The following REV1 variants were observed in gnomAD, a reference collection of about 807,000 sequenced individuals.
The protein encoded by REV1 is REV1 DNA directed polymerase, also known as translesion synthesis protein REV1.
In REV1, 42 loss-of-function variants were observed where a neutral mutation model predicts 137.4. The ratio of observed to expected loss-of-function variants is 0.31; its 90% CI spans 0.24 to 0.40. The LOEUF (loss-of-function observed/expected upper bound fraction) is 0.40, where lower values mean the gene tolerates loss of function less well. REV1 is among the 10% of genes least tolerant of loss of function. The pLI, the probability that REV1 is intolerant of heterozygous loss-of-function variation, is 1.00. For synonymous variants in REV1, 524 were observed against 519.2 expected (o/e 1.01, Z -0.12); for missense variants, 1,282 against 1,490.1 (o/e 0.86, Z 2.30).
At chr2:99,454,304 C>G (rs1575154697) in intron 3 of REV1, among the ~76,000 whole-genome samples, 1 of 152,160 alleles carries the variant, frequency 6.6e-6, no homozygotes, top group East Asian at 1.9e-4. Flanking sequence ...AATCCCAGCA[C>G]TTTGGTAGGC....
intron 1 of REV1, among the ~76,000 whole-genome samples, chr2:99,487,196 G>C (rs1687243693): frequency 6.6e-6 from 1 of 152,208 alleles, no homozygotes; most frequent in South Asian, 2.1e-4. Flanking sequence ...GTAGGTTGCT[G>C]AAAGTCAGTC....
chr2:99,404,867 A>G (rs1285268812), intron 17 of REV1, among the ~76,000 whole-genome samples, 190 bp from the exon 18 acceptor site: 1 of 152,232 alleles, frequency 6.6e-6, no homozygotes, highest in Non-Finnish European at 1.5e-5. Flanking sequence ...TTGTCATTGA[A>G]GCCTGAAGTA....
chr2:99,424,316 AG>A (rs1280101806), intron 9 of REV1, 36 bp from the exon 10 acceptor site: 2 of 1,594,090 alleles, frequency 1.3e-6, no homozygotes, highest in Non-Finnish European at 8.5e-7. Flanking sequence ...AGGTTATTCT[AG>A]GAAGTTTTCA....
rs1238792246 is a variant in REV1, at chr2:99,435,851, T to C, written c.1304A>G (p.Asn435Ser). 8 of 1,584,420 alleles carry C rather than the reference T, an allele frequency of 5.0e-6. No homozygotes were observed. In the Admixed American group the frequency reaches 1.2e-4, roughly 23 times the overall value. ...ATACAGACCTTTGAGATCTGGTCTA[T>C]TTCGTATACCCACTGATACAAAGAA... ...DCFFVSVGIR[N>S]RPDLKGKPVA... The change falls in exon 7 of 23, where the codon AAT (asparagine) becomes AGT (serine). Residue 435 changes from asparagine (N) to serine (S), a missense_variant. Around this residue, in one of 7 missense-constraint regions of REV1, gnomAD observed 432 missense variants for 438.0 expected, o/e 0.99. Transcript: ENST00000258428.
upstream of REV1, chr2:99,490,076 G>A (rs1425797803): frequency 2.0e-5 from 3 of 148,188 alleles, no homozygotes; most frequent in African/African-American, 7.4e-5. Flanking sequence ...AGCGTTCCGC[G>A]CGCGCTCCCC....
intron 12 of REV1, among the ~76,000 whole-genome samples, chr2:99,416,381 TGTG>T (rs1677859428): frequency 6.6e-6 from 1 of 152,242 alleles, no homozygotes; most frequent in Admixed American, 6.5e-5. Context: ...GCTTATAATC[TGTG>T]GAACACACTT....
intron 3 of REV1, among the ~76,000 whole-genome samples, chr2:99,450,426 G>A (rs1484711917): frequency 6.6e-6 from 1 of 152,056 alleles, no homozygotes; most frequent in Non-Finnish European, 1.5e-5. Context: ...GCTGTACCCA[G>A]GGGGAGTTTC....
At chr2:99,416,432 T>C (rs1046031739) in intron 12 of REV1, among the ~76,000 whole-genome samples, 1 of 152,222 alleles carries the variant, frequency 6.6e-6, no homozygotes, top group Non-Finnish European at 1.5e-5. Context: ...AGATATTTTA[T>C]AGACCTGAAA....
At chr2:99,414,972 G>A (rs550928106) in intron 12 of REV1, among the ~76,000 whole-genome samples, 11 of 152,158 alleles carry the variant, frequency 7.2e-5, no homozygotes, top group Admixed American at 4.6e-4. Flanking sequence ...CAAGTTAACC[G>A]TAATCAATCT....
rs1369317726 is a variant in REV1, at chr2:99,401,328, C to T, written c.3669G>A (p.Ser1223=). 6 of 1,613,076 alleles carry T rather than the reference C, an allele frequency of 3.7e-6. No homozygotes were observed. The highest frequency in any genetic ancestry group is 2.2e-5 in the East Asian group (1 of 44,854). ...MKRLMQQSVE[S]VWNMAFDFIL... is the part of the protein sequence containing the mutation. ...TAAAGTCAAATGCCATATTCCAAACCGATTCCACCGATTGCTGCATCAGCC... is the reference window on the plus strand; with the variant it reads ...TAAAGTCAAATGCCATATTCCAAACTGATTCCACCGATTGCTGCATCAGCC... The change falls in exon 23 of 23, where the codon TCG becomes TCA. Residue 1223 remains serine (S), a synonymous_variant. Transcript: ENST00000258428.
At chr2:99,434,311 T>C in intron 8 of REV1, 21 bp downstream of exon 8, 1 of 1,531,526 alleles carries the variant, frequency 6.5e-7, no homozygotes, top group South Asian at 1.2e-5. Flanking sequence ...CACTAAGACT[T>C]CAAAGAGAGC....
intron 8 of REV1, among the ~76,000 whole-genome samples, chr2:99,432,354 G>A (rs966245324): frequency 3.3e-5 from 5 of 151,760 alleles, no homozygotes; most frequent in Non-Finnish European, 7.4e-5. Flanking sequence ...CTAGTGCACA[G>A]AAGCCAAAGA....
chr2:99,447,468 C>G (rs1052052292), intron 4 of REV1, among the ~76,000 whole-genome samples: 2 of 152,058 alleles, frequency 1.3e-5, no homozygotes, highest in Admixed American at 6.6e-5. Flanking sequence ...CCGCGCCCAG[C>G]CAATATATTT....
rs900884082 is a variant in REV1 at position 99,402,971 on chromosome 2, G to A, written c.3302C>T (p.Thr1101Ile). The change falls in exon 20 of 23, where the codon ACT (threonine) becomes ATT (isoleucine). Residue 1101 changes from threonine to isoleucine, a missense_variant. This residue lies in a region of REV1 where 170 missense variants were observed against 156.8 expected (regional missense o/e 1.08). Coordinates refer to ENST00000258428, the MANE Select transcript of REV1 (RefSeq NM_016316.4). ...NNKLLNSPAKTLPGACGSPQK... is the reference protein window; with the variant it reads ...NNKLLNSPAKILPGACGSPQK... ...GGGACTGCCACAGGCCCCTGGCAGA[G>A]TTTTTGCAGGACTGTTAAGCAGCTT... 6.2e-7 allele frequency: 1 copy of A among 1,614,090 alleles called. No homozygotes were observed. The highest frequency in any genetic ancestry group is 1.7e-5 in the Admixed American group (1 of 60,000).
At position 99,438,709 on chromosome 2, in the gene REV1, T is replaced by G. The variant is rs1032393262; in HGVS notation, c.1105A>C (p.Thr369Pro). The G allele has an allele frequency of 2.9e-5, 46 of 1,613,984 alleles. No homozygotes were observed. In the Admixed American group the frequency reaches 6.5e-4, roughly 23 times the overall value. ...CTTTGTAGGGTATTGACAAACTCAG[T>G]CAATTCACACTTCCACATTGATATG... ...HHISMWKCEL[T>P]EFVNTLQRQS... The change falls in exon 6 of 23, where the codon ACT (threonine) becomes CCT (proline). Residue 369 changes from threonine to proline, a missense_variant. Thr to Pro is a conservative substitution (Grantham distance 38). Around this residue, in one of 7 missense-constraint regions of REV1, gnomAD observed 432 missense variants for 438.0 expected, o/e 0.99. Transcript: ENST00000258428.
chr2:99,442,224 C>T, intron 5 of REV1, 93 bp downstream of exon 5: 1 of 1,234,908 alleles, frequency 8.1e-7, no homozygotes, highest in East Asian at 2.5e-5. Flanking sequence ...TGCACTCCAG[C>T]CTCGGCAACA....
rs72550807 is a variant in REV1 at position 99,438,650 on chromosome 2, C to A, written c.1164G>T (p.Lys388Asn). Residue 388 changes from lysine (K) to asparagine (N), a missense_variant, in exon 6 of 23, where the codon AAG becomes AAT. By Grantham distance (94) the Lys-to-Asn change is moderately conservative. This residue lies in a region of REV1 where 432 missense variants were observed against 438.0 expected (regional missense o/e 0.99). Transcript: ENST00000258428. Reference protein sequence around the residue: ...QSNGIFPGREKLKKMKTGRSA... With the variant: ...QSNGIFPGRENLKKMKTGRSA... ...ACCTGCCTGTTTTCATTTTTTTTAACTTTTCCCTTCCTGGAAAGATACCAT... is the reference window on the plus strand; with the variant it reads ...ACCTGCCTGTTTTCATTTTTTTTAAATTTTCCCTTCCTGGAAAGATACCAT... 2 of 1,613,932 alleles carry A rather than the reference C, an allele frequency of 1.2e-6. No homozygotes were observed. Among genetic ancestry groups the A allele is most frequent in the African/African-American group, 2.7e-5 (2 of 75,040 alleles).
chr2:99,443,379 A>G (rs1394599357), intron 4 of REV1, among the ~76,000 whole-genome samples: 2 of 152,216 alleles, frequency 1.3e-5, no homozygotes, highest in Admixed American at 6.5e-5. Context: ...TTATTGTCTC[A>G]TAAATCCAAG....
chr2:99,406,117 A>G lies in REV1; in HGVS notation c.2615-11T>C. The G allele has an allele frequency of 6.3e-7, 1 of 1,597,260 alleles. No individual in the cohort carries two copies. Among genetic ancestry groups the G allele is most frequent in the Non-Finnish European group, 8.5e-7 (1 of 1,170,850 alleles). On this transcript the variant is annotated splice_polypyrimidine_tract_variant and intron_variant, in intron 16 of 22. Coordinates refer to ENST00000258428, the MANE Select transcript of REV1 (RefSeq NM_016316.4). ...CAGCAGCCCGAAATACTACAAAAAGAAAATATATAAAATAGCCTCTTCAGA... is the reference window on the plus strand; with the variant it reads ...CAGCAGCCCGAAATACTACAAAAAGGAAATATATAAAATAGCCTCTTCAGA...
Sources: gnomAD v4.1 joint callset for allele counts (sites outside exome capture counted in the v4.1 genomes callset) on GRCh38, gnomAD v4.1.1 for gene constraint, gnomAD v4.1.1 regional missense constraint, MANE v1.5 for transcripts, NCBI Gene and HGNC (gene_info 2026-07-23, HGNC 2026-07-21) for gene names.